Variants in WEE2 observed in about 807,000 individuals in gnomAD.
WEE2 encodes the protein WEE2 oocyte meiosis inhibiting kinase.
Under a neutral mutation model 60.1 loss-of-function variants are expected in WEE2, and 50 were observed. The ratio of observed to expected loss-of-function variants is 0.83; its 90% CI spans 0.66 to 1.05. The LOEUF (loss-of-function observed/expected upper bound fraction) is 1.05, where lower values mean the gene tolerates loss of function less well. Among genes scored for constraint, WEE2 ranks in the 50% least tolerant of loss-of-function variants. The pLI, the probability that WEE2 is intolerant of heterozygous loss-of-function variation, is 0.00. For missense variants in WEE2, 631 were observed against 684.3 expected (o/e 0.92, Z 0.87); for synonymous variants, 240 against 241.0 (o/e 1.00, Z 0.04).
At chr7:141,722,569 A>G (rs1798934990) in intron 5 of WEE2, among the ~76,000 whole-genome samples, 1 of 152,186 alleles carries the variant, frequency 6.6e-6, no homozygotes, top group African/African-American at 2.4e-5. Context: ...CAGCTTCTAT[A>G]TTCTCCTTGG....
intron 1 of WEE2, 50 bp downstream of exon 1, chr7:141,709,150 T>TC: frequency 6.6e-7 from 1 of 1,515,468 alleles, no homozygotes; most frequent in East Asian, 2.3e-5. Flanking sequence ...AGCTCTGCTT[T>TC]CCTGTAGTTT....
At chr7:141,729,999 A>C (rs1044954884) in intron 11 of WEE2, among the ~76,000 whole-genome samples, 1 of 151,730 alleles carries the variant, frequency 6.6e-6, no homozygotes, top group African/African-American at 2.4e-5. Flanking sequence ...AAAAAAAAAA[A>C]AAAAAAAAAA....
chr7:141,723,718 G>A (rs1798961643), intron 6 of WEE2, among the ~76,000 whole-genome samples: 1 of 152,000 alleles, frequency 6.6e-6, no homozygotes, highest in African/African-American at 2.4e-5. Flanking sequence ...AGTCCCATCA[G>A]AGAATGGAGA....
At chr7:141,712,071 C>T (rs1422060177) in intron 1 of WEE2, among the ~76,000 whole-genome samples, 1 of 152,054 alleles carries the variant, frequency 6.6e-6, no homozygotes, top group Admixed American at 6.6e-5. Flanking sequence ...AACATGATAT[C>T]CAAATGATAC....
chr7:141,720,349 CA>C (rs1189679377), intron 4 of WEE2, among the ~76,000 whole-genome samples: 6 of 151,866 alleles, frequency 4.0e-5, no homozygotes, highest in Non-Finnish European at 2.9e-5. Flanking sequence ...TGAGATTCAT[CA>C]AGTACTCTAT....
intron 2 of WEE2, among the ~76,000 whole-genome samples, chr7:141,715,038 TTA>T (rs1343423090): frequency 1.3e-5 from 2 of 152,236 alleles, no homozygotes; most frequent in African/African-American, 4.8e-5. Flanking sequence ...GGGCAGTCAT[TTA>T]TGTTCATATG....
At chr7:141,720,819 T>G in intron 4 of WEE2, 116 bp from the exon 5 acceptor site, 1 of 1,107,876 alleles carries the variant, frequency 9.0e-7, no homozygotes, top group Non-Finnish European at 1.3e-6. Flanking sequence ...AAGCAAGCAG[T>G]GAGCTCTCAA....
Position 141,723,122 on chromosome 7 carries a change from G to C in WEE2, c.881-12G>C. On this transcript the variant is annotated splice_polypyrimidine_tract_variant and intron_variant, in intron 5 of 11. Coordinates refer to ENST00000397541, the MANE Select transcript of WEE2 (RefSeq NM_001105558.1). ...TCATACTGTGGGGCTGTTCTCTGTT[G>C]TTCTTTCCCAGGTGGGAGTTTGCAA... 1 of 1,613,910 alleles carries C rather than the reference G, an allele frequency of 6.2e-7. No homozygotes were observed. Among genetic ancestry groups the C allele is most frequent in the South Asian group, 1.1e-5 (1 of 91,046 alleles).
chr7:141,721,187 TTATA>T, intron 5 of WEE2, 131 bp downstream of exon 5: 1 of 1,052,504 alleles, frequency 9.5e-7, no homozygotes, highest in Non-Finnish European at 1.4e-6. Flanking sequence ...GTACTATATA[TTATA>T]GTCTTGCTTG....
chr7:141,720,899 G>T, intron 4 of WEE2, 36 bp from the exon 5 acceptor site: 1 of 1,598,978 alleles, frequency 6.3e-7, no homozygotes. Flanking sequence ...TATCTTGATT[G>T]ATGTTTTTAT....
Position 141,723,133 on chromosome 7 carries a change from G to T in WEE2, c.881-1G>T. 1 of 1,614,060 alleles carries T rather than the reference G, an allele frequency of 6.2e-7. No homozygotes were observed. Among genetic ancestry groups the T allele is most frequent in the Non-Finnish European group, 8.5e-7 (1 of 1,179,984 alleles). ...GGCTGTTCTCTGTTGTTCTTTCCCA[G>T]GTGGGAGTTTGCAAGCTGCTATATC... On this transcript the variant is annotated splice_acceptor_variant, in intron 5 of 11. Transcript: ENST00000397541. LOFTEE classifies it high-confidence loss of function.
rs560521674 is a variant in WEE2 at position 141,721,527 on chromosome 7, C to T, written c.880+471C>T. On this transcript the variant is annotated intron_variant, in intron 5 of 11. Coordinates refer to ENST00000397541, the MANE Select transcript of WEE2 (RefSeq NM_001105558.1). ...AGGCTGGAGTGCAATGGTGTGATCT[C>T]GGCTCACCGCAACCTCCACCTCCTG... 4.6e-4 allele frequency among the ~76,000 whole-genome samples: 69 copies of T among 150,674 alleles called. 1 individual carries two copies. The highest frequency in any genetic ancestry group is 1.5e-3 in the African/African-American group (63 of 40,956).
chr7:141,712,918 A>T (rs769000201), intron 1 of WEE2, among the ~76,000 whole-genome samples: 2 of 152,206 alleles, frequency 1.3e-5, no homozygotes, highest in Non-Finnish European at 2.9e-5. Context: ...ATATCATTAT[A>T]GTTTCACTTA....
chr7:141,714,519 A>G (rs1798765360), intron 2 of WEE2, 114 bp downstream of exon 2: 7 of 731,634 alleles, frequency 9.6e-6, no homozygotes, highest in Non-Finnish European at 2.2e-6. Context: ...TGAAATGTAT[A>G]TGCTTACATA....
rs1798972467 is a variant in WEE2, at chr7:141,724,259, A to G, written c.1205A>G (p.Asn402Ser). The part of the protein sequence containing the change: ...VEEGDSRFLA[N>S]EILQEDYRHL... ...GAAGGAGATAGTCGCTTCCTGGCTA[A>G]TGAGATTTTGCAAGAGGTATAGATT... The change falls in exon 8 of 12, where the codon AAT (asparagine) becomes AGT (serine). Residue 402 changes from asparagine (N) to serine (S), a missense_variant. By Grantham distance (46) the Asn-to-Ser change is conservative. Transcript: ENST00000397541. The G allele has an allele frequency of 6.2e-7, 1 of 1,613,880 alleles. No individual in the cohort carries two copies. The highest frequency in any genetic ancestry group is 1.7e-5 in the Admixed American group (1 of 59,972).
chr7:141,720,451 A>C (rs1055310969), intron 4 of WEE2, among the ~76,000 whole-genome samples: 33 of 152,180 alleles, frequency 2.2e-4, no homozygotes, highest in Admixed American at 1.2e-3. Context: ...GCTGAGGCTA[A>C]CATTCACTCT....
chr7:141,729,879 T>C (rs1799104060), intron 11 of WEE2, among the ~76,000 whole-genome samples: 1 of 150,966 alleles, frequency 6.6e-6, no homozygotes, highest in Non-Finnish European at 1.5e-5. Flanking sequence ...TCCCAGCTAC[T>C]CAGGAGGCTG....
intron 6 of WEE2, 124 bp from the exon 7 acceptor site, chr7:141,723,817 A>G: frequency 1.6e-6 from 1 of 632,210 alleles, no homozygotes. Flanking sequence ...AAAAAACCTT[A>G]GTAGTCTATG....
intron 9 of WEE2, among the ~76,000 whole-genome samples, chr7:141,725,624 CAAAA>C (rs34460684): frequency 2.0e-5 from 2 of 101,254 alleles, no homozygotes; most frequent in African/African-American, 7.5e-5. Context: ...GACTCCGTCT[CAAAA>C]AAAAAAAAAA....
Sources: gnomAD v4.1 joint callset for allele counts (sites outside exome capture counted in the v4.1 genomes callset) on GRCh38, gnomAD v4.1.1 for gene constraint, MANE v1.5 for transcripts, NCBI Gene and HGNC (gene_info 2026-07-23, HGNC 2026-07-21) for gene names.